Variants in RNF144A observed in about 807,000 individuals in gnomAD.
RNF144A encodes the protein ring finger protein 144A, also known as E3 ubiquitin-protein ligase RNF144A.
Under a neutral mutation model 38.7 loss-of-function variants are expected in RNF144A, and 11 were observed. The ratio of observed to expected loss-of-function variants is 0.28; its 90% CI spans 0.18 to 0.47. RNF144A has a LOEUF of 0.47. RNF144A is among the 20% of genes least tolerant of loss of function. RNF144A has a pLI of 0.99. For synonymous variants in RNF144A, 149 were observed against 143.9 expected, an observed-to-expected ratio of 1.04 and a Z score of -0.25; for missense variants, 316 against 377.2, an observed-to-expected ratio of 0.84 and a Z score of 1.34.
At chr2:7,013,329 T>G (rs1461831218) in intron 3 of RNF144A, among the ~76,000 whole-genome samples, 3 of 152,234 alleles carry the variant, frequency 2.0e-5, no homozygotes, top group Non-Finnish European at 4.4e-5. Context: ...GAATTGCAGT[T>G]GAATTTCCAT....
intron 6 of RNF144A, 155 bp downstream of exon 6, chr2:7,020,835 A>G (rs1393674608): frequency 4.7e-6 from 3 of 639,610 alleles, no homozygotes; most frequent in East Asian, 2.7e-5. Flanking sequence ...CAAGCCTGTC[A>G]TTATTTGTAT....
chr2:6,980,520 C>G (rs1372195050), intron 2 of RNF144A, among the ~76,000 whole-genome samples: 1 of 152,274 alleles, frequency 6.6e-6, no homozygotes, highest in African/African-American at 2.4e-5. Context: ...GCTCCAAAAT[C>G]ACTTTTGATT....
chr2:6,960,080 T>C (rs3772010), intron 2 of RNF144A, among the ~76,000 whole-genome samples: 35,008 of 152,244 alleles, frequency 0.23, 6,168 homozygotes, highest in African/African-American at 0.48. Flanking sequence ...ATGAATGTCT[T>C]GCCCCTAGTA....
chr2:7,065,333 G>A (rs999892867), intron 6 of RNF144A, among the ~76,000 whole-genome samples: 1 of 152,116 alleles, frequency 6.6e-6, no homozygotes, highest in Non-Finnish European at 1.5e-5. Flanking sequence ...CTGAAGTCAG[G>A]GCCTGGAGCT....
rs574649447 is a variant in RNF144A at position 7,025,073 on chromosome 2, G to GC, written c.657+558dup. ...CATCATCTACAGGGCGGGAAAACGT[G>GC]CAAGCCCTTTGCTCTCTGGCAGAAT... On this transcript the variant is annotated intron_variant, in intron 7 of 8. Transcript: ENST00000320892. 1.4e-3 allele frequency among the ~76,000 whole-genome samples: 219 copies of GC among 152,290 alleles called. 3 individuals are homozygous for GC. The highest frequency in any genetic ancestry group is 0.013 in the Admixed American group (194 of 15,296).
At chr2:7,044,518 C>G (rs1345156408), downstream of RNF144A, among the ~76,000 whole-genome samples, 1 of 152,214 alleles carries the variant, frequency 6.6e-6, no homozygotes, top group Non-Finnish European at 1.5e-5. Flanking sequence ...CATCCCCACT[C>G]AGGGCGCTCT....
chr2:7,070,403 T>A (rs1351715636), downstream of RNF144A, among the ~76,000 whole-genome samples: 1 of 152,190 alleles, frequency 6.6e-6, no homozygotes, highest in Admixed American at 6.5e-5. Context: ...GAGCTTTTTG[T>A]ATAAAGAACA....
chr2:6,948,748 T>C (rs369020015), intron 2 of RNF144A, among the ~76,000 whole-genome samples: 25 of 152,294 alleles, frequency 1.6e-4, no homozygotes, highest in African/African-American at 6.0e-4. Flanking sequence ...AGGATCCAGA[T>C]GGGTGTGGGC....
chr2:6,928,131 GTAT>G (rs1664992516), intron 1 of RNF144A, among the ~76,000 whole-genome samples: 1 of 152,206 alleles, frequency 6.6e-6, no homozygotes, highest in Admixed American at 6.5e-5. Flanking sequence ...TTTGTAGCCT[GTAT>G]TATTCAGACT....
chr2:6,956,282 T>G (rs1260082172), intron 2 of RNF144A, among the ~76,000 whole-genome samples: 1 of 152,092 alleles, frequency 6.6e-6, no homozygotes, highest in Non-Finnish European at 1.5e-5. Context: ...TTATAGCCAC[T>G]TACTTTCCTG....
downstream of RNF144A, among the ~76,000 whole-genome samples, chr2:7,044,883 A>G (rs1419613852): frequency 6.6e-6 from 1 of 152,234 alleles, no homozygotes; most frequent in East Asian, 1.9e-4. Flanking sequence ...CATAGTGGGC[A>G]CTGAAGACTC....
At chr2:7,024,191 T>C (rs1216223891) in intron 6 of RNF144A, among the ~76,000 whole-genome samples, 178 bp from the exon 7 acceptor site, 4 of 133,614 alleles carry the variant, frequency 3.0e-5, no homozygotes, top group Admixed American at 8.0e-5. Context: ...AGTGTTCTGG[T>C]TAATTTTTTT....
At position 6,997,771 on chromosome 2, in the gene RNF144A, C is replaced by T. The variant is rs534593856; in HGVS notation, c.135+710C>T. Among the ~76,000 whole-genome samples, 9 of 152,216 alleles carry T rather than the reference C, an allele frequency of 5.9e-5. 1 individual carries two copies. Among genetic ancestry groups the T allele is most frequent in the African/African-American group, 1.7e-4 (7 of 41,528 alleles). On this transcript the variant is annotated intron_variant, in intron 3 of 8. Coordinates refer to ENST00000320892, the MANE Select transcript of RNF144A (RefSeq NM_014746.6). ...GAGTGCATAGAAGCCGGAAGTAGGA[C>T]GGTAGTTTCCCGGGGTCTGCAGGGA...
chr2:6,954,716 T>C (rs1404351262), intron 2 of RNF144A, among the ~76,000 whole-genome samples: 1 of 152,224 alleles, frequency 6.6e-6, no homozygotes, highest in Middle Eastern at 3.2e-3. Context: ...CACAAGAGAT[T>C]TTCAGTGTAG....
chr2:7,008,249 G>T (rs896838915), intron 3 of RNF144A, among the ~76,000 whole-genome samples: 2 of 152,206 alleles, frequency 1.3e-5, no homozygotes, highest in Non-Finnish European at 2.9e-5. Flanking sequence ...CTCCTTTTTG[G>T]CAGCGGGTGC....
At chr2:6,939,122 A>G (rs555317301) in intron 1 of RNF144A, among the ~76,000 whole-genome samples, 2 of 152,324 alleles carry the variant, frequency 1.3e-5, no homozygotes, top group African/African-American at 2.4e-5. Context: ...GCTGGGCCAT[A>G]TGAGAACTCT....
chr2:6,930,145 T>A (rs930487434), intron 1 of RNF144A, among the ~76,000 whole-genome samples: 3 of 152,234 alleles, frequency 2.0e-5, no homozygotes, highest in Non-Finnish European at 1.5e-5. Flanking sequence ...TCATGTTTTT[T>A]AAAGAATAAT....
intron 1 of RNF144A, among the ~76,000 whole-genome samples, chr2:6,940,155 A>G (rs1665874941): frequency 1.3e-5 from 2 of 152,318 alleles, no homozygotes; most frequent in Non-Finnish European, 2.9e-5. Flanking sequence ...ATCTGTTAAT[A>G]TATTAGTTTG....
Position 7,053,083 on chromosome 2 carries a change from A to C in RNF144A, c.735-15133A>C, listed in dbSNP as rs542330081. ...GTTTAGATATTTGCAACTGGTGATA[A>C]ATTATTTTATTTGATTCCCATGTTA... On this transcript the variant is annotated intron_variant, in intron 6 of 6. Transcript: ENST00000432850. Among the ~76,000 whole-genome samples the C allele has an allele frequency of 2.6e-5, 4 of 152,240 alleles. No homozygotes were observed. The East Asian group carries it at 7.7e-4, about 29-fold the overall frequency.
Sources: gnomAD v4.1 joint callset for allele counts (sites outside exome capture counted in the v4.1 genomes callset) on GRCh38, gnomAD v4.1.1 for gene constraint, MANE v1.5 for transcripts, NCBI Gene and HGNC (gene_info 2026-07-23, HGNC 2026-07-21) for gene names.